Variants in ELK1 observed in about 807,000 individuals in gnomAD.
ELK1 encodes the protein ETS transcription factor ELK1.
For missense variants in ELK1, 254 were observed against 381.5 expected (o/e 0.67, Z 2.78); for synonymous variants, 163 against 176.3 (o/e 0.92, Z 0.60).
At position 47,636,592 on chromosome X, in the gene ELK1, C is replaced by T. The variant is rs751606012; in HGVS notation, c.*237G>A. ...CCGCCCCTACCATTGAAGTAGGAGA[C>T]GTGTAAGGGCGGCCACTGGGGGACT... On this transcript the variant is annotated 3_prime_UTR_variant, in exon 7 of 7. Coordinates refer to ENST00000376983, the MANE Select transcript of ELK1 (RefSeq NM_001114123.3). 55 of 341,346 alleles carry T rather than the reference C, an allele frequency of 1.6e-4. No individual in the cohort carries two copies. Among genetic ancestry groups the T allele is most frequent in the East Asian group, 3.1e-4 (7 of 22,443 alleles). 28.1% of individuals were successfully genotyped at this position (341,346 alleles called of 1,213,427 possible).
At chrX:47,649,832 G>GT (rs2058054369) in intron 2 of ELK1, 89 bp downstream of exon 2, 2 of 71,705 alleles carry the variant, frequency 2.8e-5, no homozygotes, top group African/African-American at 1.1e-4. Context: ...GGTGGTGGTG[G>GT]TGGGGGGGGG....
chrX:47,644,916 T>A (rs1484139901), intron 2 of ELK1, among the ~76,000 whole-genome samples: 1 of 111,191 alleles, frequency 9.0e-6, no homozygotes, highest in African/African-American at 3.3e-5. Flanking sequence ...CTGGCGGTTG[T>A]GAGAAGAACA....
chrX:47,641,104 A>G, intron 3 of ELK1, 128 bp downstream of exon 3: 1 of 787,936 alleles, frequency 1.3e-6, no homozygotes, highest in Non-Finnish European at 1.9e-6. Flanking sequence ...TAGGGTACCA[A>G]TGGATGGGTT....
At chrX:47,638,261 T>C in intron 4 of ELK1, 79 bp from the exon 5 acceptor site, 2 of 1,124,181 alleles carry the variant, frequency 1.8e-6, no homozygotes, top group South Asian at 1.9e-5. Context: ...ACCCAGTGAT[T>C]TCCCCGGGAA....
At chrX:47,640,489 GGTAT>G (rs2058024798) in intron 3 of ELK1, among the ~76,000 whole-genome samples, 1 of 110,876 alleles carries the variant, frequency 9.0e-6, no homozygotes, top group Non-Finnish European at 1.9e-5. Flanking sequence ...TGAAATAACT[GGTAT>G]AAATATTGGG....
chrX:47,641,600 A>G (rs2058028994), intron 2 of ELK1, 125 bp from the exon 3 acceptor site: 4 of 527,702 alleles, frequency 7.6e-6, no homozygotes, highest in Non-Finnish European at 1.2e-5. Flanking sequence ...ATCATTCCCT[A>G]AACCTTCCCA....
intron 2 of ELK1, among the ~76,000 whole-genome samples, chrX:47,647,342 A>G (rs2058047040): frequency 9.1e-6 from 1 of 110,369 alleles, no homozygotes; most frequent in African/African-American, 3.3e-5. Context: ...TTTGTATTTT[A>G]GTAGAGATGG....
rs990147208 is a variant in ELK1 at position 47,636,137 on chromosome X, A to G, written c.*692T>C. 1.8e-5 allele frequency: 2 copies of G among 112,082 alleles called. No homozygotes were observed. Among genetic ancestry groups the G allele is most frequent in the African/African-American group, 6.5e-5 (2 of 30,645 alleles). The allele number at this position is 112,082 out of a possible 1,213,427, so 9.2% of individuals were successfully genotyped here. On this transcript the variant is annotated 3_prime_UTR_variant, in exon 7 of 7. Coordinates refer to ENST00000376983, the MANE Select transcript of ELK1 (RefSeq NM_001114123.3). ...GGCAGGACCCCAGGGAGGTTGGCAG[A>G]CAAAGGAATGGCTTCTCAGGGGGAA... is the stretch of plus-strand genomic sequence containing the variant.
chrX:47,639,409 A>C, intron 3 of ELK1, 71 bp from the exon 4 acceptor site: 20 of 521,523 alleles, frequency 3.8e-5, no homozygotes, highest in Non-Finnish European at 5.6e-5. Context: ...GTCAGGGGGG[A>C]GGAGGGGGGT....
intron 2 of ELK1, among the ~76,000 whole-genome samples, chrX:47,646,077 C>A (rs917334580): frequency 4.5e-5 from 5 of 111,336 alleles, no homozygotes; most frequent in African/African-American, 1.6e-4. Flanking sequence ...TGTGTCAATT[C>A]TGTAAAATAC....
At chrX:47,642,114 G>A (rs1352482891) in intron 2 of ELK1, among the ~76,000 whole-genome samples, 2 of 111,609 alleles carry the variant, frequency 1.8e-5, no homozygotes, top group Non-Finnish European at 3.8e-5. Context: ...TAAGGAAACA[G>A]GGACTTCAGT....
At chrX:47,639,831 T>C (rs1189417176) in intron 3 of ELK1, among the ~76,000 whole-genome samples, 1 of 112,967 alleles carries the variant, frequency 8.9e-6, no homozygotes, top group Admixed American at 9.3e-5. Context: ...GACACAGTTT[T>C]GGAGACTAGC....
intron 3 of ELK1, 22 bp downstream of exon 3, chrX:47,641,210 G>A (rs1041399401): frequency 3.3e-6 from 4 of 1,204,254 alleles, no homozygotes; most frequent in Non-Finnish European, 4.5e-6. Flanking sequence ...GGGGGTTCCA[G>A]CCCTGGTCTG....
At chrX:47,648,157 G>C (rs2058049364) in intron 2 of ELK1, among the ~76,000 whole-genome samples, 1 of 107,925 alleles carries the variant, frequency 9.3e-6, no homozygotes, top group Admixed American at 9.8e-5. Context: ...TTCAGAAAAA[G>C]GGATCTCGCT....
In ELK1 at chrX:47,637,956, G is replaced by A; in HGVS notation, c.881C>T (p.Ala294Val). The A allele has an allele frequency of 1.7e-6, 2 of 1,208,222 alleles. No homozygotes were observed. Among genetic ancestry groups the A allele is most frequent in the South Asian group, 3.5e-5 (2 of 56,693 alleles). ...AGCCGCATGGCCGCCCGCCTGCCCT[G>A]CGGTGTCCATAACAACCGCGGGCAG... is the stretch of plus-strand genomic sequence containing the variant. ...ARLPAVVMDTAGQAGGHAASS... is the reference protein window; with the variant it reads ...ARLPAVVMDTVGQAGGHAASS... The change falls in exon 5 of 7, where the codon GCA becomes GTA. Residue 294 changes from alanine (A) to valine (V), a missense_variant. Coordinates refer to ENST00000376983, the MANE Select transcript of ELK1 (RefSeq NM_001114123.3).
chrX:47,636,640 G>A lies in ELK1; in HGVS notation c.*189C>T, dbSNP rs1394645124. 3 of 418,202 alleles carry A rather than the reference G, an allele frequency of 7.2e-6. No homozygotes were observed. The highest frequency in any genetic ancestry group is 1.2e-5 in the Non-Finnish European group (3 of 249,681). 34.5% of individuals were successfully genotyped at this position (418,202 alleles called of 1,213,427 possible). A position where few individuals can be genotyped will look rare whatever the true frequency, so the allele number is the denominator to read the frequency against. ...ACTGACAGAAAACAGAGAAGTTGTGGAAGCTGTGTGTTTTCTGTGGAGGAG... is the reference window on the plus strand; with the variant it reads ...ACTGACAGAAAACAGAGAAGTTGTGAAAGCTGTGTGTTTTCTGTGGAGGAG... On this transcript the variant is annotated 3_prime_UTR_variant, in exon 7 of 7. Transcript: ENST00000376983.
chrX:47,643,741 C>T (rs1255717556), intron 2 of ELK1, among the ~76,000 whole-genome samples: 3 of 110,271 alleles, frequency 2.7e-5, no homozygotes, highest in Admixed American at 1.9e-4. Flanking sequence ...ACTTATTTAT[C>T]CCTGATCATG....
intron 2 of ELK1, among the ~76,000 whole-genome samples, chrX:47,641,981 G>C (rs2058030237): frequency 8.9e-6 from 1 of 112,121 alleles, no homozygotes; most frequent in African/African-American, 3.2e-5. Context: ...AGGCAGGGGA[G>C]ATTCAAAATG....
Position 47,637,081 on chromosome X carries a change from G to C in ELK1, c.1120C>G (p.Pro374Ala). The C allele has an allele frequency of 2.5e-6, 3 of 1,209,610 alleles. No individual in the cohort carries two copies. The highest frequency in any genetic ancestry group is 3.4e-6 in the Non-Finnish European group (3 of 894,855). ...AGGGTGCTCCAGAAGTGAATGCTAG[G>C]AGGCAGCGAGCTGGGTGTCAGCAGC... ...PVLLTPSSLP[P>A]SIHFWSTLSP... The change falls in exon 6 of 7, where the codon CCT (proline) becomes GCT (alanine). Residue 374 changes from proline to alanine, a missense_variant. Coordinates refer to ENST00000376983, the MANE Select transcript of ELK1 (RefSeq NM_001114123.3).
Sources: gnomAD v4.1 joint callset for allele counts (sites outside exome capture counted in the v4.1 genomes callset) on GRCh38, gnomAD v4.1.1 for gene constraint, MANE v1.5 for transcripts, NCBI Gene and HGNC (gene_info 2026-07-23, HGNC 2026-07-21) for gene names.